Variants in RBFOX1 observed in about 807,000 individuals in gnomAD.
The protein encoded by RBFOX1 is RNA binding protein fox-1 homolog 1.
RBFOX1 carries 8 observed loss-of-function variants against 57.7 expected under a neutral mutation model. The ratio of observed to expected loss-of-function variants is 0.14; its 90% CI spans 0.08 to 0.25. The LOEUF (loss-of-function observed/expected upper bound fraction) is 0.25, where lower values mean the gene tolerates loss of function less well. Among genes scored for constraint, RBFOX1 ranks in the 10% least tolerant of loss-of-function variants. RBFOX1 has a pLI of 1.00. For missense variants in RBFOX1, 611 were observed against 548.5 expected (o/e 1.11, Z -1.14); for synonymous variants, 326 against 222.4 (o/e 1.47, Z -4.15).
chr16:6,983,001 A>AAAG (rs2089341131), intron 3 of RBFOX1, among the ~76,000 whole-genome samples: 1 of 124,482 alleles, frequency 8.0e-6, no homozygotes, highest in Admixed American at 7.6e-5. Context: ...TCTAAAAAAA[A>AAAG]AAAAAAAAAA....
intron 2 of RBFOX1, among the ~76,000 whole-genome samples, chr16:5,493,873 A>C (rs2042914965): frequency 6.6e-6 from 1 of 152,212 alleles, no homozygotes; most frequent in South Asian, 2.1e-4. Flanking sequence ...GGTAGCCAAA[A>C]TATGAAATTA....
chr16:7,442,750 G>C (rs542562747), intron 4 of RBFOX1, among the ~76,000 whole-genome samples: 1 of 152,170 alleles, frequency 6.6e-6, no homozygotes. Context: ...GAAAGACCTG[G>C]TTGCTAATAG....
At chr16:5,385,468 C>A (rs1162578542) in intron 1 of RBFOX1, among the ~76,000 whole-genome samples, 1 of 152,156 alleles carries the variant, frequency 6.6e-6, no homozygotes, top group East Asian at 1.9e-4. Context: ...GAGTACTTAA[C>A]AACAATTAGT....
intron 3 of RBFOX1, among the ~76,000 whole-genome samples, chr16:5,826,542 G>A (rs2056062671): frequency 6.6e-6 from 1 of 152,242 alleles, no homozygotes; most frequent in South Asian, 2.1e-4. Flanking sequence ...CAGATAACAT[G>A]TAAACAAATG....
chr16:7,509,487 C>T (rs562485046), intron 4 of RBFOX1, among the ~76,000 whole-genome samples: 4 of 151,112 alleles, frequency 2.6e-5, no homozygotes, highest in East Asian at 3.9e-4. Context: ...TAGATCCTTA[C>T]AATAATATGG....
At chr16:5,285,111 C>G (rs996368046) in intron 1 of RBFOX1, among the ~76,000 whole-genome samples, 4 of 152,298 alleles carry the variant, frequency 2.6e-5, no homozygotes, top group African/African-American at 9.6e-5. Context: ...TATTTGGCCA[C>G]ATATGTGTCC....
chr16:7,606,925 G>T (rs1381460445), intron 9 of RBFOX1, among the ~76,000 whole-genome samples: 3 of 152,078 alleles, frequency 2.0e-5, no homozygotes, highest in African/African-American at 7.2e-5. Context: ...ATGCAGAGGG[G>T]TGTGATGGAT....
chr16:6,405,859 A>C (rs1214923763), intron 2 of RBFOX1, among the ~76,000 whole-genome samples: 1 of 152,178 alleles, frequency 6.6e-6, no homozygotes, highest in Non-Finnish European at 1.5e-5. Flanking sequence ...TGAGGGAGAA[A>C]ACAACTTCTA....
chr16:5,791,923 C>T (rs772308221), intron 3 of RBFOX1, among the ~76,000 whole-genome samples: 7 of 152,164 alleles, frequency 4.6e-5, no homozygotes, highest in Non-Finnish European at 1.0e-4. Flanking sequence ...ATGACTGAGG[C>T]CACCCTCCAG....
At chr16:6,707,635 C>T (rs556203159) in intron 3 of RBFOX1, among the ~76,000 whole-genome samples, 19 of 152,060 alleles carry the variant, frequency 1.2e-4, no homozygotes, top group Non-Finnish European at 2.2e-4. Flanking sequence ...CTTGGATGAA[C>T]TGCCGTCTCC....
At chr16:7,344,038 C>A (rs1301843839) in intron 4 of RBFOX1, among the ~76,000 whole-genome samples, 1 of 151,380 alleles carries the variant, frequency 6.6e-6, no homozygotes, top group South Asian at 2.1e-4. Flanking sequence ...GAAGCCAATA[C>A]CTTCTACTGG....
intron 4 of RBFOX1, among the ~76,000 whole-genome samples, chr16:7,204,662 A>G (rs1247895924): frequency 6.6e-6 from 1 of 152,108 alleles, no homozygotes; most frequent in Admixed American, 6.6e-5. Context: ...ATAAAAATGA[A>G]AAAGTTCCTC....
At chr16:6,509,209 G>T (rs547043921) in intron 2 of RBFOX1, among the ~76,000 whole-genome samples, 2 of 152,118 alleles carry the variant, frequency 1.3e-5, no homozygotes, top group East Asian at 3.8e-4. Context: ...ATTTTTGGGG[G>T]GAGCTGGCCA....
At chr16:7,429,413 A>T (rs1437398537) in intron 4 of RBFOX1, among the ~76,000 whole-genome samples, 2 of 152,222 alleles carry the variant, frequency 1.3e-5, no homozygotes. Context: ...TGGCTAGCCC[A>T]TCAAAAGTGA....
intron 3 of RBFOX1, among the ~76,000 whole-genome samples, chr16:6,806,823 T>TAAATAA (rs1236234265): frequency 4.8e-5 from 4 of 83,708 alleles, no homozygotes; most frequent in African/African-American, 1.4e-4. Flanking sequence ...TATAAATATA[T>TAAATAA]ATATATATAT....
chr16:7,608,127 T>C (rs1213259524), intron 10 of RBFOX1, among the ~76,000 whole-genome samples: 1 of 152,248 alleles, frequency 6.6e-6, no homozygotes, highest in Non-Finnish European at 1.5e-5. Flanking sequence ...AAAAGAAGTC[T>C]TTCTTTGATG....
chr16:7,680,921 C>T (rs1597944726), intron 14 of RBFOX1, among the ~76,000 whole-genome samples: 1 of 152,090 alleles, frequency 6.6e-6, no homozygotes, highest in Non-Finnish European at 1.5e-5. Flanking sequence ...CACACACTCA[C>T]TTGTGCCTTG....
At chr16:7,635,196 C>T (rs752690561) in intron 11 of RBFOX1, among the ~76,000 whole-genome samples, 3 of 152,180 alleles carry the variant, frequency 2.0e-5, no homozygotes, top group Non-Finnish European at 4.4e-5. Flanking sequence ...ACATGAGTTT[C>T]ATTTTCATTA....
chr16:7,524,348 A>C (rs1234737062), intron 5 of RBFOX1, among the ~76,000 whole-genome samples: 1 of 152,188 alleles, frequency 6.6e-6, no homozygotes, highest in Admixed American at 6.5e-5. Flanking sequence ...AGTTCCCCAC[A>C]GGCTGAGATG....
Sources: gnomAD v4.1 joint callset for allele counts (sites outside exome capture counted in the v4.1 genomes callset) on GRCh38, gnomAD v4.1.1 for gene constraint, MANE v1.5 for transcripts, NCBI Gene and HGNC (gene_info 2026-07-23, HGNC 2026-07-21) for gene names.